Variants in SLCO4C1 observed in about 807,000 individuals in gnomAD.
The protein encoded by SLCO4C1 is organic anion transporter M1.
A neutral mutation model predicts 72.1 loss-of-function variants in SLCO4C1; 58 were observed. The observed-to-expected ratio is 0.80, with a 90% confidence interval of 0.65 to 1.00. The LOEUF (loss-of-function observed/expected upper bound fraction) is 1.00, where lower values mean the gene tolerates loss of function less well. Ranked by LOEUF, SLCO4C1 falls within the 50% of genes least tolerant of loss-of-function variation. The probability of loss-of-function intolerance (pLI) is 0.00; values close to 1 mark genes in which losing one functional copy is unlikely to be tolerated. For missense variants in SLCO4C1, 898 were observed against 857.9 expected (o/e 1.05, Z -0.58); for synonymous variants, 297 against 312.5 (o/e 0.95, Z 0.52).
At position 102,291,717 on chromosome 5, in the gene SLCO4C1, A is replaced by G. The variant is rs1448496586; in HGVS notation, c.356-111T>C. Reference sequence around the variant, plus strand: ...TCATTTCTTTTTTTTCTTAAAATGTACCAGTTTTCAAAGCCTCAAAGTTTC... The same window carrying G: ...TCATTTCTTTTTTTTCTTAAAATGTGCCAGTTTTCAAAGCCTCAAAGTTTC... On this transcript the variant is annotated intron_variant, in intron 1 of 12. Transcript: ENST00000310954. The G allele has an allele frequency of 3.3e-6, 3 of 910,626 alleles. No homozygotes were observed. The African/African-American group carries it at 5.2e-5, about 16-fold the overall frequency. 56.4% of individuals were successfully genotyped at this position (910,626 alleles called of 1,614,324 possible).
In SLCO4C1 at chr5:102,263,671, G is replaced by C. The variant is rs747177345; in HGVS notation, c.899+13C>G. On this transcript the variant is annotated intron_variant, in intron 4 of 12. Coordinates refer to ENST00000310954, the MANE Select transcript of SLCO4C1 (RefSeq NM_180991.5). Reference sequence around the variant, plus strand: ...AATGACTTTAAATAAAAGAAAAATAGATACTGCCTTGCCTTTCTCCCATAG... The same window carrying C: ...AATGACTTTAAATAAAAGAAAAATACATACTGCCTTGCCTTTCTCCCATAG... The C allele has an allele frequency of 2.5e-6, 4 of 1,598,240 alleles. No homozygotes were observed. The highest frequency in any genetic ancestry group is 3.4e-6 in the Non-Finnish European group (4 of 1,171,118).
intron 2 of SLCO4C1, among the ~76,000 whole-genome samples, chr5:102,282,231 T>A (rs927430742): frequency 1.3e-5 from 2 of 152,028 alleles, no homozygotes; most frequent in African/African-American, 4.8e-5. Flanking sequence ...TAATTTATAA[T>A]AAAAAACTTT....
In SLCO4C1 at chr5:102,257,112, T is replaced by C. The variant is rs1580248149; in HGVS notation, c.1469+3A>G. On this transcript the variant is annotated splice_donor_region_variant and intron_variant, in intron 8 of 12. Coordinates refer to ENST00000310954, the MANE Select transcript of SLCO4C1 (RefSeq NM_180991.5). ...ATATCAAAAAGCACTGAATTGTATT[T>C]ACCCATTATATGATTCAGATACACC... 2 of 1,555,162 alleles carry C rather than the reference T, an allele frequency of 1.3e-6. No individual in the cohort carries two copies. The highest frequency in any genetic ancestry group is 2.3e-5 in the East Asian group (1 of 42,678).
intron 2 of SLCO4C1, among the ~76,000 whole-genome samples, chr5:102,272,974 C>T (rs2112379077): frequency 6.8e-6 from 1 of 147,196 alleles, no homozygotes. Flanking sequence ...GAAAGAAATG[C>T]AGTGAAATAG....
rs1748686650 is a variant in SLCO4C1, at chr5:102,249,043, A to C, written c.1620+595T>G. ...GTATTCATGGTATATCAAATAAAACAAATACTAAGTTTCTATTATATAAAC... is the reference window on the plus strand; with the variant it reads ...GTATTCATGGTATATCAAATAAAACCAATACTAAGTTTCTATTATATAAAC... On this transcript the variant is annotated intron_variant, in intron 9 of 12. Coordinates refer to ENST00000310954, the MANE Select transcript of SLCO4C1 (RefSeq NM_180991.5). Among the ~76,000 whole-genome samples, 2 of 152,200 alleles carry C rather than the reference A, an allele frequency of 1.3e-5. 1 individual carries two copies. Among genetic ancestry groups the C allele is most frequent in the African/African-American group, 4.8e-5 (2 of 41,454 alleles).
intron 12 of SLCO4C1, 29 bp downstream of exon 12, chr5:102,239,222 T>C: frequency 6.6e-7 from 1 of 1,522,762 alleles, no homozygotes; most frequent in Non-Finnish European, 8.8e-7. Context: ...CTTAGTTTAC[T>C]CTAAAATTAT....
chr5:102,244,045 G>T (rs1748593375), intron 10 of SLCO4C1, among the ~76,000 whole-genome samples: 2 of 152,030 alleles, frequency 1.3e-5, no homozygotes, highest in South Asian at 4.1e-4. Flanking sequence ...AAATTAGCTG[G>T]GCATGGTGGT....
intron 2 of SLCO4C1, among the ~76,000 whole-genome samples, chr5:102,275,233 G>A (rs956156571): frequency 6.6e-6 from 1 of 152,002 alleles, no homozygotes. Flanking sequence ...AAGATACAAC[G>A]GAAAGGGGCA....
At chr5:102,247,917 CTTT>C (rs55692838) in intron 9 of SLCO4C1, among the ~76,000 whole-genome samples, 1,517 of 107,398 alleles carry the variant, frequency 0.014, 13 homozygotes, top group Non-Finnish European at 0.021. Context: ...AGGCCAGAAA[CTTT>C]TTTTTTTTTT....
chr5:102,249,864 C>T (rs1212536233), intron 8 of SLCO4C1, 76 bp from the exon 9 acceptor site: 4 of 1,429,414 alleles, frequency 2.8e-6, no homozygotes, highest in Non-Finnish European at 3.8e-6. Context: ...ACTGTTATAT[C>T]TTACCATTAG....
chr5:102,237,283 A>G (rs1748455374), intron 12 of SLCO4C1, among the ~76,000 whole-genome samples: 1 of 152,180 alleles, frequency 6.6e-6, no homozygotes, highest in African/African-American at 2.4e-5. Flanking sequence ...TTCTTGTAAA[A>G]TAAGTGTTGT....
intron 10 of SLCO4C1, among the ~76,000 whole-genome samples, chr5:102,244,810 A>G (rs1748608340): frequency 6.6e-6 from 1 of 152,200 alleles, no homozygotes. Context: ...TCCTTCAAAC[A>G]TGAAGGAGAA....
At chr5:102,281,775 A>C (rs1749360909) in intron 2 of SLCO4C1, among the ~76,000 whole-genome samples, 1 of 152,170 alleles carries the variant, frequency 6.6e-6, no homozygotes. Context: ...CAAGGATTCA[A>C]ATAAACCGAG....
intron 3 of SLCO4C1, 118 bp downstream of exon 3, chr5:102,270,506 T>C (rs1437272734): frequency 7.0e-6 from 5 of 709,308 alleles, no homozygotes; most frequent in Non-Finnish European, 1.0e-5. Context: ...CATTTATTTA[T>C]TGGGAAAACC....
intron 10 of SLCO4C1, among the ~76,000 whole-genome samples, chr5:102,245,273 G>T (rs1305974416): frequency 6.6e-6 from 1 of 152,080 alleles, no homozygotes; most frequent in Non-Finnish European, 1.5e-5. Flanking sequence ...GATAAAACAA[G>T]ATCCATTGAC....
intron 9 of SLCO4C1, among the ~76,000 whole-genome samples, chr5:102,248,805 T>G (rs1334412635): frequency 6.6e-6 from 1 of 152,148 alleles, no homozygotes; most frequent in Admixed American, 6.5e-5. Context: ...GTACTACTCA[T>G]AATCTGAATA....
intron 1 of SLCO4C1, among the ~76,000 whole-genome samples, chr5:102,294,494 T>C (rs535181186): frequency 2.6e-5 from 4 of 152,336 alleles, no homozygotes; most frequent in African/African-American, 7.2e-5. Context: ...ATATAAAATG[T>C]TATATTTTGG....
intron 2 of SLCO4C1, among the ~76,000 whole-genome samples, chr5:102,280,896 C>T (rs913041610): frequency 1.3e-5 from 2 of 151,998 alleles, no homozygotes; most frequent in African/African-American, 2.4e-5. Flanking sequence ...GGACACAAAA[C>T]CAAACCATAT....
At chr5:102,287,534 CTT>C (rs148132091) in intron 2 of SLCO4C1, among the ~76,000 whole-genome samples, 1,046 of 79,990 alleles carry the variant, frequency 0.013, 6 homozygotes, top group African/African-American at 0.049. Context: ...TTTTTCACTT[CTT>C]TTTTTTTTTT....
Sources: gnomAD v4.1 joint callset for allele counts (sites outside exome capture counted in the v4.1 genomes callset) on GRCh38, gnomAD v4.1.1 for gene constraint, MANE v1.5 for transcripts, NCBI Gene and HGNC (gene_info 2026-07-23, HGNC 2026-07-21) for gene names.